Variants in C2orf74 observed in about 807,000 individuals in gnomAD.
The protein encoded by C2orf74 is uncharacterized protein C2orf74.
A neutral mutation model predicts 17.9 loss-of-function variants in C2orf74; 14 were observed. That is an observed-to-expected ratio of 0.78 (90% CI 0.52 to 1.22). The LOEUF is 1.22. C2orf74 is among the 50% of genes most tolerant of loss of function. The pLI is 0.00. For synonymous variants in C2orf74, 79 were observed against 72.6 expected, an observed-to-expected ratio of 1.09 and a Z score of -0.44; for missense variants, 217 against 218.4, an observed-to-expected ratio of 0.99 and a Z score of 0.04.
At chr2:61,149,946 T>C (rs1685178747) in intron 1 of C2orf74, among the ~76,000 whole-genome samples, 1 of 152,044 alleles carries the variant, frequency 6.6e-6, no homozygotes, top group Non-Finnish European at 1.5e-5. Context: ...GAAGGCAGAT[T>C]TGAGTAAACA....
At chr2:61,146,135 T>C (rs563785268) in intron 1 of C2orf74, among the ~76,000 whole-genome samples, 4 of 152,350 alleles carry the variant, frequency 2.6e-5, no homozygotes, top group Admixed American at 2.6e-4. Flanking sequence ...TACGTGAGTA[T>C]CCATCAGAAG....
At chr2:61,145,193 G>T (rs1685031989) in exon 1 of C2orf74, 4 of 152,270 alleles carry the variant, frequency 2.6e-5, no homozygotes, top group Admixed American at 2.6e-4. Context: ...TGGGGGAAAG[G>T]CTGGTATGTT....
At chr2:61,153,905 A>AAAGG (rs1213191019) in intron 1 of C2orf74, among the ~76,000 whole-genome samples, 1 of 148,808 alleles carries the variant, frequency 6.7e-6, no homozygotes, top group Non-Finnish European at 1.5e-5. Flanking sequence ...AAAGAAAAAG[A>AAAGG]AAGAAAAAAA....
In C2orf74 at chr2:61,164,682, A is replaced by C; in HGVS notation, c.*155A>C. The C allele has an allele frequency of 1.8e-6, 1 of 542,450 alleles. No individual in the cohort carries two copies. The allele number at this position is 542,450 out of a possible 1,614,324, so 33.6% of individuals were successfully genotyped here. ...GTGCAGAAAGGAGTGAGCCATGTGC[A>C]AAATTCTGTAAGTAAAATACTTAGA... is the stretch of plus-strand genomic sequence containing the variant. On this transcript the variant is annotated 3_prime_UTR_variant, in exon 5 of 5. Transcript: ENST00000432605.
chr2:61,148,922 G>C (rs1192172897), intron 1 of C2orf74, among the ~76,000 whole-genome samples: 1 of 152,136 alleles, frequency 6.6e-6, no homozygotes, highest in Non-Finnish European at 1.5e-5. Flanking sequence ...GTTGATAATA[G>C]GGAGGCTATG....
intron 1 of C2orf74, among the ~76,000 whole-genome samples, chr2:61,155,503 C>G (rs1470594018): frequency 8.2e-6 from 1 of 122,600 alleles, no homozygotes; most frequent in African/African-American, 3.1e-5. Context: ...GAAATCAAGG[C>G]TTTTTGTTTG....
chr2:61,148,343 C>G (rs538068518), intron 1 of C2orf74, among the ~76,000 whole-genome samples: 1 of 151,450 alleles, frequency 6.6e-6, no homozygotes, highest in Admixed American at 6.6e-5. Flanking sequence ...CCTGCCACCA[C>G]GTCCAGCAAA....
chr2:61,153,964 C>T (rs999752877), intron 1 of C2orf74, among the ~76,000 whole-genome samples: 3 of 151,654 alleles, frequency 2.0e-5, no homozygotes, highest in African/African-American at 7.3e-5. Context: ...TTTGGCTAGG[C>T]GCGATGGCTC....
At chr2:61,157,964 C>G, upstream of C2orf74, 1 of 471,226 alleles carries the variant, frequency 2.1e-6, no homozygotes, top group Non-Finnish European at 4.4e-6. Flanking sequence ...CCTGTCACCA[C>G]GAGTGGACAC....
At chr2:61,155,898 T>A (rs1300639205) in intron 1 of C2orf74, among the ~76,000 whole-genome samples, 1 of 151,826 alleles carries the variant, frequency 6.6e-6, no homozygotes, top group Non-Finnish European at 1.5e-5. Flanking sequence ...GGAGACAGAA[T>A]CTCAAGAATT....
chr2:61,164,413 C>G lies in C2orf74; in HGVS notation c.450C>G (p.Ser150Arg). The change falls in exon 5 of 5, where the codon AGC becomes AGG. Residue 150 changes from serine (S) to arginine (R), a missense_variant. Physicochemically the swap from Ser to Arg is moderately radical, Grantham distance 110 (BLOSUM62 -1). Transcript: ENST00000432605. Reference sequence around the variant, plus strand: ...CTAGAACTCCTTCAGTTGTTGAAAGCCAAAAAAGACCTTTAAAAGGAGTGA... The same window carrying G: ...CTAGAACTCCTTCAGTTGTTGAAAGGCAAAAAAGACCTTTAAAAGGAGTGA... Reference protein sequence around the residue: ...SVTRTPSVVESQKRPLKGVTF... With the variant: ...SVTRTPSVVERQKRPLKGVTF... The G allele has an allele frequency of 6.5e-7, 1 of 1,549,918 alleles. No homozygotes were observed. The highest frequency in any genetic ancestry group is 1.2e-5 in the South Asian group (1 of 83,618).
upstream of C2orf74, chr2:61,158,012 G>A (rs952726125): frequency 1.1e-5 from 5 of 471,070 alleles, no homozygotes; most frequent in Admixed American, 4.7e-5. Context: ...GCAGGCAGGA[G>A]GTAGGCAGTA....
At chr2:61,156,784 C>T (rs1378586252) in intron 1 of C2orf74, among the ~76,000 whole-genome samples, 3 of 151,824 alleles carry the variant, frequency 2.0e-5, no homozygotes, top group African/African-American at 7.3e-5. Context: ...ACTTGGGGAG[C>T]TAAGGCAGGA....
At chr2:61,153,504 A>G (rs376992604) in intron 1 of C2orf74, among the ~76,000 whole-genome samples, 1 of 151,372 alleles carries the variant, frequency 6.6e-6, no homozygotes, top group Non-Finnish European at 1.5e-5. Flanking sequence ...GGGTGGTCTC[A>G]ATCTCCTGAC....
At chr2:61,157,202 G>A (rs1008865928), upstream of C2orf74, among the ~76,000 whole-genome samples, 15 of 152,138 alleles carry the variant, frequency 9.9e-5, no homozygotes, top group African/African-American at 3.6e-4. Flanking sequence ...CACCACGCCT[G>A]GCTAATTTTT....
Position 61,162,561 on chromosome 2 carries a change from T to C in C2orf74, c.47T>C (p.Ile16Thr), listed in dbSNP as rs147923221. 5.8e-6 allele frequency: 9 copies of C among 1,551,708 alleles called. No homozygotes were observed. In the Admixed American group the frequency reaches 1.8e-4, roughly 30 times the overall value. Residue 16 changes from isoleucine to threonine, a missense_variant, in exon 2 of 5, where the codon ATT becomes ACT. By Grantham distance (89) the Ile-to-Thr change is moderately conservative. Transcript: ENST00000432605. Reference protein sequence around the residue: ...TAITFFIILLICLICILLLLV... With the variant: ...TAITFFIILLTCLICILLLLV... ...ATCACTTTCTTCATCATCCTTCTAA[T>C]TTGCCTCATTTGCATCCTCCTCTTA... is the stretch of plus-strand genomic sequence containing the variant.
rs1301197445 is a variant in C2orf74, at chr2:61,164,480, T to C, written c.517T>C (p.Tyr173His). 4.5e-6 allele frequency: 7 copies of C among 1,550,586 alleles called. No individual in the cohort carries two copies. The African/African-American group carries it at 9.6e-5, about 21-fold the overall frequency. ...AATTGTTGTGGATCTTGGGAATGAA[T>C]ACCCTACACCTCGAAGCTATACTCG... The part of the protein sequence containing the change: ...EVIVVDLGNE[Y>H]PTPRSYTREH... The change falls in exon 5 of 5, where the codon TAC becomes CAC. Residue 173 changes from tyrosine (Y) to histidine (H), a missense_variant. Physicochemically the swap from Tyr to His is moderately conservative, Grantham distance 83. Coordinates refer to ENST00000432605, the MANE Select transcript of C2orf74 (RefSeq NM_001143959.4).
chr2:61,159,124 G>A (rs191752039), upstream of C2orf74, among the ~76,000 whole-genome samples: 155 of 152,100 alleles, frequency 1.0e-3, no homozygotes, highest in African/African-American at 3.6e-3. Flanking sequence ...AGCCTCCCAA[G>A]TAGCTGGGAC....
chr2:61,156,610 G>A (rs548683396), intron 1 of C2orf74, among the ~76,000 whole-genome samples: 15 of 152,156 alleles, frequency 9.9e-5, no homozygotes, highest in East Asian at 7.7e-4. Flanking sequence ...TTGGCCGGGC[G>A]TGGTGGCTCA....
Sources: allele counts gnomAD v4.1 joint callset (sites outside exome capture counted in the v4.1 genomes callset), GRCh38; gene constraint gnomAD v4.1.1; transcripts MANE v1.5; gene names NCBI Gene and HGNC (gene_info 2026-07-23, HGNC 2026-07-21).